Variants in GATB observed in about 807,000 individuals in gnomAD.
The protein encoded by GATB is glutamyl-tRNA(Gln) amidotransferase subunit B, mitochondrial.
A neutral mutation model predicts 62.3 loss-of-function variants in GATB; 39 were observed. That is an observed-to-expected ratio of 0.63 (90% CI 0.48 to 0.82). The LOEUF is 0.82. Among genes scored for constraint, GATB ranks in the 40% least tolerant of loss-of-function variants. GATB has a pLI of 0.00. For synonymous variants in GATB, 276 were observed against 258.9 expected (o/e 1.07, Z -0.63); for missense variants, 670 against 684.0 (o/e 0.98, Z 0.23).
At position 151,699,343 on chromosome 4, in the gene GATB, C is replaced by A. The variant is rs188848145; in HGVS notation, c.1197+1986G>T. On this transcript the variant is annotated intron_variant, in intron 9 of 12. Coordinates refer to ENST00000263985, the MANE Select transcript of GATB (RefSeq NM_004564.3). ...GGCAGAGGTTGCAGTGAGCTGAGAT[C>A]GTGCCACTGCACTCCAGCCTGGGCG... Among the ~76,000 whole-genome samples, 5 of 148,786 alleles carry A rather than the reference C, an allele frequency of 3.4e-5. No homozygotes were observed. In the Admixed American group the frequency reaches 3.4e-4, roughly 10 times the overall value.
intron 9 of GATB, among the ~76,000 whole-genome samples, chr4:151,689,387 G>A (rs556515893): frequency 1.3e-4 from 20 of 152,256 alleles, no homozygotes; most frequent in Middle Eastern, 3.4e-3. Flanking sequence ...AATAACAGGT[G>A]GAGAGGGCAG....
chr4:151,739,523 G>T (rs931203154), intron 2 of GATB, among the ~76,000 whole-genome samples: 2 of 152,136 alleles, frequency 1.3e-5, no homozygotes, highest in Non-Finnish European at 2.9e-5. Flanking sequence ...ATGTGAAGCC[G>T]CAAACACACA....
intron 6 of GATB, among the ~76,000 whole-genome samples, chr4:151,707,144 A>C (rs1011906592): frequency 3.2e-4 from 49 of 152,242 alleles, no homozygotes; most frequent in African/African-American, 1.0e-3. Flanking sequence ...AGCCATGGTC[A>C]ATCTAAAATG....
At chr4:151,703,693 C>A in intron 8 of GATB, 158 bp downstream of exon 8, 1 of 661,916 alleles carries the variant, frequency 1.5e-6, no homozygotes, top group South Asian at 1.8e-5. Flanking sequence ...TCTCGGTATG[C>A]ATATCAAAGA....
intron 8 of GATB, among the ~76,000 whole-genome samples, chr4:151,702,002 C>T (rs1738616522): frequency 6.6e-6 from 1 of 152,128 alleles, no homozygotes; most frequent in Non-Finnish European, 1.5e-5. Flanking sequence ...ATCCTGCAGG[C>T]AACTGTAACA....
chr4:151,690,785 T>C (rs1738349386), intron 9 of GATB, among the ~76,000 whole-genome samples: 1 of 152,198 alleles, frequency 6.6e-6, no homozygotes, highest in Non-Finnish European at 1.5e-5. Context: ...GAAGCCTCTC[T>C]GAGCTGGAAC....
At position 151,708,089 on chromosome 4, in the gene GATB, C is replaced by T; in HGVS notation, c.776G>A (p.Arg259Lys). The T allele has an allele frequency of 6.2e-7, 1 of 1,611,776 alleles. No individual in the cohort carries two copies. The change falls in exon 6 of 13, where the codon AGA (arginine) becomes AAA (lysine). Residue 259 changes from arginine (R) to lysine (K), a missense_variant. Arg to Lys is a conservative substitution (Grantham distance 26). Transcript: ENST00000263985. ...SQANMAEGQL[R>K]VDANISVHHP... ...ATGCACGGATATATTGGCATCCACT[C>T]TCAACTGGCCCTCTGGAAGGAGAGA...
intron 5 of GATB, among the ~76,000 whole-genome samples, chr4:151,711,419 C>T (rs1738816893): frequency 6.6e-6 from 1 of 152,234 alleles, no homozygotes; most frequent in Non-Finnish European, 1.5e-5. Context: ...GATGCCACTG[C>T]TCCTTCTGCT....
intron 11 of GATB, among the ~76,000 whole-genome samples, chr4:151,678,904 G>GT (rs759341307): frequency 2.0e-5 from 3 of 151,900 alleles, no homozygotes. Context: ...TTTTGTTTTT[G>GT]TTTTTTGAGA....
At chr4:151,722,162 A>G (rs1244303469) in intron 2 of GATB, 1 of 700,844 alleles carries the variant, frequency 1.4e-6, no homozygotes, top group African/African-American at 1.8e-5. Flanking sequence ...CCAGGTCAGC[A>G]TGTTCTGAGG....
chr4:151,681,926 C>T (rs1738146508), intron 10 of GATB, among the ~76,000 whole-genome samples: 1 of 152,152 alleles, frequency 6.6e-6, no homozygotes, highest in Non-Finnish European at 1.5e-5. Flanking sequence ...ACCTAATCGC[C>T]CACCAAAGGT....
At position 151,716,014 on chromosome 4, in the gene GATB, A is replaced by G. The variant is rs1578918793; in HGVS notation, c.758T>C (p.Met253Thr). The change falls in exon 5 of 13, where the codon ATG becomes ACG. Residue 253 changes from methionine to threonine, a missense_variant. Physicochemically the swap from Met to Thr is moderately conservative, Grantham distance 81 (BLOSUM62 -1). Coordinates refer to ENST00000263985, the MANE Select transcript of GATB (RefSeq NM_004564.3). ...LQALGTSQAN[M>T]AEGQLRVDAN... ...ACTGCTTCTGTGGCTTCTACCTGCC[A>G]TGTTCGCCTGGCTGGTCCCCAGGGC... 1 of 1,613,702 alleles carries G rather than the reference A, an allele frequency of 6.2e-7. No individual in the cohort carries two copies. The highest frequency in any genetic ancestry group is 1.1e-5 in the South Asian group (1 of 90,974).
intron 2 of GATB, among the ~76,000 whole-genome samples, chr4:151,733,321 T>C (rs1441509681): frequency 6.6e-6 from 1 of 152,106 alleles, no homozygotes; most frequent in Non-Finnish European, 1.5e-5. Context: ...CAAAAGATCA[T>C]TCAAGGCTAC....
At chr4:151,700,745 T>C (rs139101888) in intron 9 of GATB, among the ~76,000 whole-genome samples, 23 of 152,284 alleles carry the variant, frequency 1.5e-4, no homozygotes, top group African/African-American at 5.1e-4. Flanking sequence ...CCAGGCAGCT[T>C]TGAAAAGGAT....
intron 4 of GATB, 127 bp from the exon 5 acceptor site, chr4:151,716,258 C>T: frequency 1.6e-6 from 1 of 644,278 alleles, no homozygotes; most frequent in Non-Finnish European, 2.4e-6. Flanking sequence ...GCCTCTCAAT[C>T]ATTTCTCTTC....
At chr4:151,736,599 C>T (rs1739379052) in intron 2 of GATB, among the ~76,000 whole-genome samples, 1 of 152,202 alleles carries the variant, frequency 6.6e-6, no homozygotes. Flanking sequence ...CTGCCACTCC[C>T]AGCCCAACTC....
At chr4:151,692,501 C>T (rs1738385793) in intron 9 of GATB, among the ~76,000 whole-genome samples, 1 of 152,210 alleles carries the variant, frequency 6.6e-6, no homozygotes, top group Non-Finnish European at 1.5e-5. Context: ...GAGAAAATGG[C>T]AGGTTTACTT....
intron 9 of GATB, among the ~76,000 whole-genome samples, chr4:151,697,985 A>ATGTG (rs1364348405): frequency 7.2e-6 from 1 of 138,274 alleles, no homozygotes; most frequent in African/African-American, 2.9e-5. Flanking sequence ...ATATATATAT[A>ATGTG]TATATATATG....
At chr4:151,700,049 T>C (rs1308933848) in intron 9 of GATB, among the ~76,000 whole-genome samples, 3 of 152,180 alleles carry the variant, frequency 2.0e-5, no homozygotes, top group Non-Finnish European at 4.4e-5. Context: ...GAAACTCAAG[T>C]GGTCAAGATG....
Sources: gnomAD v4.1 joint callset for allele counts (sites outside exome capture counted in the v4.1 genomes callset) on GRCh38, gnomAD v4.1.1 for gene constraint, MANE v1.5 for transcripts, NCBI Gene and HGNC (gene_info 2026-07-23, HGNC 2026-07-21) for gene names.